Variants in PRKCE observed in about 807,000 individuals in gnomAD.
PRKCE encodes the protein protein kinase C epsilon type.
In PRKCE, 16 loss-of-function variants were observed where a neutral mutation model predicts 85.4. The ratio of observed to expected loss-of-function variants is 0.19; its 90% CI spans 0.13 to 0.28. The LOEUF (loss-of-function observed/expected upper bound fraction) is 0.28. PRKCE is among the 10% of genes least tolerant of loss of function. The pLI is 1.00. For synonymous variants in PRKCE, 388 were observed against 371.5 expected, an observed-to-expected ratio of 1.04 and a Z score of -0.51; for missense variants, 573 against 975.2, an observed-to-expected ratio of 0.59 and a Z score of 5.49.
intron 10 of PRKCE, among the ~76,000 whole-genome samples, chr2:46,029,317 T>C (rs1707350641): frequency 6.6e-6 from 1 of 152,244 alleles, no homozygotes; most frequent in Non-Finnish European, 1.5e-5. Context: ...GTGTTCATCA[T>C]TCTACAGTGC....
chr2:46,014,676 TA>T (rs1216530328), intron 10 of PRKCE, among the ~76,000 whole-genome samples: 1 of 152,234 alleles, frequency 6.6e-6, no homozygotes, highest in East Asian at 1.9e-4. Context: ...GACACTGTGC[TA>T]GATTCTAGGG....
At chr2:46,121,759 G>T (rs1673336816) in intron 11 of PRKCE, among the ~76,000 whole-genome samples, 1 of 152,154 alleles carries the variant, frequency 6.6e-6, no homozygotes, top group African/African-American at 2.4e-5. Flanking sequence ...ATGCATACCT[G>T]CAGGGCCTCG....
intron 1 of PRKCE, among the ~76,000 whole-genome samples, chr2:45,693,421 G>A (rs1352381548): frequency 6.6e-6 from 1 of 152,172 alleles, no homozygotes; most frequent in Admixed American, 6.5e-5. Context: ...AACCATGGGG[G>A]TGGCTGAGGT....
chr2:45,657,186 C>T (rs1558530789), intron 1 of PRKCE, among the ~76,000 whole-genome samples: 1 of 152,180 alleles, frequency 6.6e-6, no homozygotes, highest in Non-Finnish European at 1.5e-5. Flanking sequence ...AATGTCACTC[C>T]CTTGCTGTAT....
chr2:45,989,235 C>T (rs1231190124), intron 6 of PRKCE, among the ~76,000 whole-genome samples: 1 of 152,234 alleles, frequency 6.6e-6, no homozygotes, highest in South Asian at 2.1e-4. Flanking sequence ...GGAAGGTGTA[C>T]TCCACGAAGA....
In PRKCE at chr2:45,907,382, C is replaced by G. The variant is rs533179197; in HGVS notation, c.412+64319C>G. On this transcript the variant is annotated intron_variant, in intron 2 of 14. Coordinates refer to ENST00000306156, the MANE Select transcript of PRKCE (RefSeq NM_005400.3). The surrounding 1 kb of genome is among the most constrained non-coding windows in gnomAD (Gnocchi z 4.5). ...CTGGATTGTGTCTGGGTTCAAAAGC[C>G]AAGAACATCTGCGAGTCCTGCATTG... Among the ~76,000 whole-genome samples, 5 of 152,304 alleles carry G rather than the reference C, an allele frequency of 3.3e-5. No homozygotes were observed. In the South Asian group the frequency reaches 1.0e-3, roughly 32 times the overall value.
intron 1 of PRKCE, among the ~76,000 whole-genome samples, chr2:45,658,897 G>C (rs1675507262): frequency 6.6e-6 from 1 of 152,234 alleles, no homozygotes; most frequent in Non-Finnish European, 1.5e-5. Flanking sequence ...CTTGAAATGA[G>C]ATTGTTCTGG....
intron 10 of PRKCE, chr2:46,073,758 GT>G (rs1668277520): frequency 6.6e-6 from 1 of 152,182 alleles, no homozygotes. Flanking sequence ...GAAAATGTCA[GT>G]GTGGTTGAAT....
intron 11 of PRKCE, among the ~76,000 whole-genome samples, chr2:46,099,605 CCT>C (rs1671022102): frequency 6.6e-6 from 1 of 151,998 alleles, no homozygotes; most frequent in African/African-American, 2.4e-5. Context: ...ATTTCTTCCC[CCT>C]GTTAACATTG....
intron 10 of PRKCE, among the ~76,000 whole-genome samples, chr2:46,043,481 A>G (rs1290276975): frequency 7.2e-5 from 11 of 152,218 alleles, no homozygotes; most frequent in Admixed American, 2.6e-4. Context: ...AAATGTTTTA[A>G]CTTACAAGAG....
chr2:45,884,999 A>ATTTTTTT (rs1265565855), intron 2 of PRKCE, among the ~76,000 whole-genome samples: 4 of 63,268 alleles, frequency 6.3e-5, no homozygotes, highest in East Asian at 5.9e-4. Flanking sequence ...ATATATATAT[A>ATTTTTTT]TATTTGTTGT....
In PRKCE at chr2:46,004,480, A is replaced by T; in HGVS notation, c.967-62A>T. ...CTTATACGGCATCTTGATGCTTTTG[A>T]CATCAGAAAACTCTCAACCCTCCCT... is the stretch of plus-strand genomic sequence containing the variant. On this transcript the variant is annotated intron_variant, in intron 7 of 14. Coordinates refer to ENST00000306156, the MANE Select transcript of PRKCE (RefSeq NM_005400.3). The surrounding 1 kb of genome is among the most constrained non-coding windows in gnomAD (Gnocchi z 4.1). 7.6e-7 allele frequency: 1 copy of T among 1,315,848 alleles called. No homozygotes were observed. Among genetic ancestry groups the T allele is most frequent in the Non-Finnish European group, 1.1e-6 (1 of 945,530 alleles). The allele number at this position is 1,315,848 out of a possible 1,614,324, so 81.5% of individuals were successfully genotyped here.
intron 1 of PRKCE, among the ~76,000 whole-genome samples, chr2:45,821,380 C>T (rs888652541): frequency 8.5e-5 from 13 of 152,126 alleles, no homozygotes; most frequent in African/African-American, 2.9e-4. Flanking sequence ...ATGTAGGACC[C>T]TTTGCTGGGC....
intron 12 of PRKCE, among the ~76,000 whole-genome samples, chr2:46,149,969 A>G (rs1216843203): frequency 6.6e-6 from 1 of 150,858 alleles, no homozygotes; most frequent in Non-Finnish European, 1.5e-5. Context: ...TGATTTTTCC[A>G]CCTCAGCCTT....
intron 2 of PRKCE, among the ~76,000 whole-genome samples, chr2:45,974,510 G>T (rs761605241): frequency 1.3e-5 from 2 of 152,196 alleles, no homozygotes; most frequent in Non-Finnish European, 2.9e-5. Flanking sequence ...ATGCAGTCTG[G>T]GAACGCTGAG....
rs1480514137 is a variant in PRKCE, at chr2:45,864,924, G to A, written c.412+21861G>A. ...TGCAGGGCCAGTTACAGCTTGCTGGGCTCCACCTTCACAATTTCTGATTCT... is the reference window on the plus strand; with the variant it reads ...TGCAGGGCCAGTTACAGCTTGCTGGACTCCACCTTCACAATTTCTGATTCT... On this transcript the variant is annotated intron_variant, in intron 2 of 14. Coordinates refer to ENST00000306156, the MANE Select transcript of PRKCE (RefSeq NM_005400.3). Among the ~76,000 whole-genome samples, 4 of 152,296 alleles carry A rather than the reference G, an allele frequency of 2.6e-5. No homozygotes were observed. The East Asian group carries it at 7.7e-4, about 29-fold the overall frequency.
chr2:45,960,818 C>T (rs993174594), intron 2 of PRKCE, among the ~76,000 whole-genome samples: 3 of 152,194 alleles, frequency 2.0e-5, no homozygotes, highest in African/African-American at 7.2e-5. Context: ...AATTTAGCTC[C>T]TGCCTCACTC....
At chr2:45,891,484 C>T (rs1364232355) in intron 2 of PRKCE, among the ~76,000 whole-genome samples, 1 of 152,202 alleles carries the variant, frequency 6.6e-6, no homozygotes, top group Non-Finnish European at 1.5e-5. Flanking sequence ...AATGCCTTCT[C>T]TGGGACTGAA....
chr2:45,934,047 G>T (rs1437370680), intron 2 of PRKCE, among the ~76,000 whole-genome samples: 1 of 152,132 alleles, frequency 6.6e-6, no homozygotes, highest in Non-Finnish European at 1.5e-5. Context: ...CAAAGTTCCA[G>T]AGGTAGTCTC....
Sources: gnomAD v4.1 joint callset for allele counts (sites outside exome capture counted in the v4.1 genomes callset) on GRCh38, gnomAD v4.1.1 for gene constraint, Gnocchi (gnomAD v3.1) non-coding constraint, MANE v1.5 for transcripts, NCBI Gene and HGNC (gene_info 2026-07-23, HGNC 2026-07-21) for gene names.